Variants in THADA observed in about 807,000 individuals in gnomAD.
The protein encoded by THADA is tRNA (32-2'-O)-methyltransferase regulator THADA.
In THADA, 213 loss-of-function variants were observed where a neutral mutation model predicts 219.8. The ratio of observed to expected loss-of-function variants is 0.97; its 90% CI spans 0.87 to 1.09. THADA has a LOEUF of 1.09. THADA is among the 50% of genes least tolerant of loss of function. The probability of loss-of-function intolerance (pLI) is 0.00; values close to 1 mark genes in which losing one functional copy is unlikely to be tolerated. For missense variants in THADA, 2,956 were observed against 2,311.3 expected (o/e 1.28, Z -5.72); for synonymous variants, 1,018 against 828.9 (o/e 1.23, Z -3.92).
intron 31 of THADA, among the ~76,000 whole-genome samples, chr2:43,304,673 A>ATTTT (rs11387621): frequency 2.1e-5 from 3 of 140,380 alleles, no homozygotes; most frequent in Non-Finnish European, 3.1e-5. Context: ...AGCAGACTTC[A>ATTTT]TTTTTTTTTT....
At chr2:43,542,257 C>T (rs13032919) in intron 20 of THADA, among the ~76,000 whole-genome samples, 88,845 of 151,946 alleles carry the variant, frequency 0.58, 27,073 homozygotes, top group African/African-American at 0.73. Context: ...TACACATAAA[C>T]ATATAAAATA....
intron 7 of THADA, 45 bp downstream of exon 7, chr2:43,586,356 A>G (rs1392691478): frequency 3.4e-6 from 5 of 1,470,156 alleles, no homozygotes; most frequent in Non-Finnish European, 4.6e-6. Flanking sequence ...AAGATAATGT[A>G]CAACTGCAAG....
At chr2:43,373,439 A>AAGGAACCT (rs1387842221) in intron 29 of THADA, among the ~76,000 whole-genome samples, 4 of 152,148 alleles carry the variant, frequency 2.6e-5, no homozygotes, top group Non-Finnish European at 4.4e-5. Context: ...AGGTTCTCTT[A>AAGGAACCT]AGGAAAAAAA....
At chr2:43,466,992 C>T (rs1260092210) in intron 26 of THADA, among the ~76,000 whole-genome samples, 2 of 150,890 alleles carry the variant, frequency 1.3e-5, no homozygotes, top group Admixed American at 6.6e-5. Flanking sequence ...ACCATCCTGG[C>T]TAACACGGTG....
intron 31 of THADA, among the ~76,000 whole-genome samples, chr2:43,296,222 G>A (rs920011390): frequency 1.3e-5 from 2 of 150,992 alleles, no homozygotes; most frequent in South Asian, 2.1e-4. Flanking sequence ...CGGCCATACC[G>A]CTACTCTTAA....
At chr2:43,578,282 A>G (rs1423596573) in intron 9 of THADA, among the ~76,000 whole-genome samples, 1 of 151,732 alleles carries the variant, frequency 6.6e-6, no homozygotes, top group East Asian at 1.9e-4. Flanking sequence ...AGCTGGGACT[A>G]CAGCTGTGCA....
chr2:43,523,665 G>A lies in THADA; in HGVS notation c.3374+4214C>T, dbSNP rs1376740258. 5.9e-5 allele frequency among the ~76,000 whole-genome samples: 9 copies of A among 152,244 alleles called. No homozygotes were observed. In the South Asian group the frequency reaches 1.5e-3, roughly 25 times the overall value. ...GATTTCTGTCCACAGAATTGTTGAT[G>A]TCTATGAGTCAGTACTAGTATTTAA... On this transcript the variant is annotated intron_variant, in intron 22 of 37. Transcript: ENST00000405975.
chr2:43,377,959 C>G (rs1353092336), intron 29 of THADA, among the ~76,000 whole-genome samples: 3 of 152,150 alleles, frequency 2.0e-5, no homozygotes, highest in African/African-American at 7.2e-5. Context: ...CTAAGGTAAA[C>G]AGATACCTTG....
rs1045692032 is a variant in THADA at position 43,477,150 on chromosome 2, T to C, written c.3836+8084A>G. On this transcript the variant is annotated intron_variant, in intron 26 of 37. Transcript: ENST00000405975. Reference sequence around the variant, plus strand: ...TAGATATATCTACTGCTCCTAATAATCAGAAATATGCCTTTCACCTGCTTT... The same window carrying C: ...TAGATATATCTACTGCTCCTAATAACCAGAAATATGCCTTTCACCTGCTTT... 2.6e-5 allele frequency among the ~76,000 whole-genome samples: 4 copies of C among 152,076 alleles called. No homozygotes were observed. The East Asian group carries it at 5.8e-4, about 22-fold the overall frequency.
intron 16 of THADA, 67 bp from the exon 17 acceptor site, chr2:43,556,622 T>C (rs960513092): frequency 6.8e-7 from 1 of 1,467,960 alleles, no homozygotes; most frequent in Admixed American, 2.1e-5. Flanking sequence ...AAATAGTAAA[T>C]TTTTTAAAAC....
At chr2:43,367,201 T>G (rs1057067145) in intron 29 of THADA, among the ~76,000 whole-genome samples, 1 of 152,198 alleles carries the variant, frequency 6.6e-6, no homozygotes, top group Non-Finnish European at 1.5e-5. Flanking sequence ...AGGGCGCTGT[T>G]GTTTAATGGG....
At chr2:43,502,245 A>G (rs777418241) in intron 24 of THADA, among the ~76,000 whole-genome samples, 1 of 152,230 alleles carries the variant, frequency 6.6e-6, no homozygotes, top group Non-Finnish European at 1.5e-5. Flanking sequence ...TCATTTACAT[A>G]AAATTATGAC....
At chr2:43,453,875 G>C (rs956391154) in intron 26 of THADA, among the ~76,000 whole-genome samples, 4 of 152,182 alleles carry the variant, frequency 2.6e-5, no homozygotes, top group African/African-American at 9.7e-5. Context: ...CAGCAGAGGA[G>C]AACAACATAG....
intron 29 of THADA, among the ~76,000 whole-genome samples, 153 bp from the exon 30 acceptor site, chr2:43,344,390 G>C (rs767616528): frequency 4.1e-4 from 62 of 152,156 alleles, no homozygotes; most frequent in Non-Finnish European, 7.8e-4. Context: ...AGGCATGTTG[G>C]TTTTGGAGGA....
At chr2:43,478,272 C>T (rs1685780639) in intron 26 of THADA, among the ~76,000 whole-genome samples, 1 of 152,146 alleles carries the variant, frequency 6.6e-6, no homozygotes. Flanking sequence ...GTACATTACT[C>T]AAATCAGTAG....
At chr2:43,414,226 T>C (rs1035708458) in intron 28 of THADA, among the ~76,000 whole-genome samples, 2 of 152,252 alleles carry the variant, frequency 1.3e-5, no homozygotes, top group Admixed American at 1.3e-4. Context: ...TTTACTTTTG[T>C]TGTGGTAAAA....
At chr2:43,590,118 C>A (rs1268302628) in intron 4 of THADA, among the ~76,000 whole-genome samples, 1 of 152,032 alleles carries the variant, frequency 6.6e-6, no homozygotes, top group Non-Finnish European at 1.5e-5. Context: ...GTAAGATAAG[C>A]CCTAAACAAT....
intron 23 of THADA, among the ~76,000 whole-genome samples, chr2:43,506,370 G>A (rs17030946): frequency 1.3e-5 from 2 of 152,078 alleles, no homozygotes; most frequent in Non-Finnish European, 2.9e-5. Context: ...CATAAAAATA[G>A]GGTATTAAGC....
At chr2:43,350,478 T>C (rs1294036714) in intron 29 of THADA, among the ~76,000 whole-genome samples, 1 of 152,242 alleles carries the variant, frequency 6.6e-6, no homozygotes, top group Non-Finnish European at 1.5e-5. Flanking sequence ...TGTTTTCCGC[T>C]TCAGGCATAT....
Sources: gnomAD v4.1 joint callset for allele counts (sites outside exome capture counted in the v4.1 genomes callset) on GRCh38, gnomAD v4.1.1 for gene constraint, MANE v1.5 for transcripts, NCBI Gene and HGNC (gene_info 2026-07-23, HGNC 2026-07-21) for gene names.